The following ERAP1 variants were observed in gnomAD, a reference collection of about 807,000 sequenced individuals.
ERAP1 encodes the protein adipocyte-derived leucine aminopeptidase.
A neutral mutation model predicts 103.7 loss-of-function variants in ERAP1; 86 were observed. The ratio of observed to expected loss-of-function variants is 0.83; its 90% confidence interval spans 0.70 to 0.99. The LOEUF is 0.99. Among genes scored for constraint, ERAP1 ranks in the 50% least tolerant of loss-of-function variants. ERAP1 has a pLI of 0.00. For synonymous variants in ERAP1, 398 were observed against 402.4 expected, an observed-to-expected ratio of 0.99 and a Z score of 0.13; for missense variants, 1,009 against 1,128.4, an observed-to-expected ratio of 0.89 and a Z score of 1.52.
At chr5:96,807,380 G>A (rs1319688179) in intron 1 of ERAP1, among the ~76,000 whole-genome samples, 2 of 152,184 alleles carry the variant, frequency 1.3e-5, no homozygotes, top group Non-Finnish European at 2.9e-5. Context: ...AGCAGCTATG[G>A]GCAGGTGCCC....
chr5:96,792,301 G>A (rs1158186272), intron 7 of ERAP1, 109 bp from the exon 8 acceptor site: 2 of 983,248 alleles, frequency 2.0e-6, no homozygotes, highest in South Asian at 1.3e-5. Context: ...CACATTTTGG[G>A]GGCAACCTAT....
the ERAP1 span, among the ~76,000 whole-genome samples, chr5:96,875,512 G>A: frequency 6.6e-6 from 1 of 150,710 alleles, no homozygotes; most frequent in Admixed American, 6.6e-5. Context: ...CTCCAACCTG[G>A]GTGACAGAGT....
At position 96,775,050 on chromosome 5, in the gene ERAP1, C is replaced by CAAGT. The variant is rs1322803720; in HGVS notation, c.*1342_*1345dup. On this transcript the variant is annotated 3_prime_UTR_variant, in exon 19 of 19. Coordinates refer to ENST00000443439, the MANE Select transcript of ERAP1 (RefSeq NM_001040458.3). ...GCGCAAAACACGCTGCAACTTGAAT[C>CAAGT]AAGTCAGCAACAGAGCACACTATGG... 1.2e-5 allele frequency: 12 copies of CAAGT among 985,396 alleles called. No homozygotes were observed. Among genetic ancestry groups the CAAGT allele is most frequent in the African/African-American group, 1.7e-5 (1 of 57,220 alleles). 61.0% of individuals were successfully genotyped at this position (985,396 alleles called of 1,614,324 possible).
At chr5:96,828,043 T>C in the ERAP1 span, among the ~76,000 whole-genome samples, 1 of 152,256 alleles carries the variant, frequency 6.6e-6, no homozygotes, top group Non-Finnish European at 1.5e-5. Context: ...TAGAAGTGGA[T>C]ACATTCATCT....
In ERAP1 at chr5:96,776,303, A is replaced by G; in HGVS notation, c.*93T>C. On this transcript the variant is annotated 3_prime_UTR_variant, in exon 19 of 19. Coordinates refer to ENST00000443439, the MANE Select transcript of ERAP1 (RefSeq NM_001040458.3). ...GAGTTGAAGGGAAAAAAGTATCTCC[A>G]GTTGGAGCCAAAACAGCCATCTCTA... The G allele has an allele frequency of 3.2e-6, 5 of 1,547,418 alleles. No homozygotes were observed. The highest frequency in any genetic ancestry group is 4.3e-6 in the Non-Finnish European group (5 of 1,150,530).
the ERAP1 span, chr5:96,892,158 G>A: frequency 1.3e-6 from 1 of 768,234 alleles, no homozygotes; most frequent in South Asian, 1.9e-5. Context: ...AAGACACCCT[G>A]TCAATGTTAA....
At position 96,780,446 on chromosome 5, in the gene ERAP1, A is replaced by T. The variant is rs750157352; in HGVS notation, c.2647T>A (p.Ser883Thr). Residue 883 changes from serine to threonine, a missense_variant, in exon 18 of 19, where the codon TCC (serine) becomes ACC (threonine). By Grantham distance (58) the Ser-to-Thr change is moderately conservative. Transcript: ENST00000443439. ...ACCTCTTCAAGCCGTGTTCTTGTGG[A>T]GAATTGATTTGTTGTACCCATTACC... ...HMVMGTTNQF[S>T]TRTRLEEVKG... 7.4e-6 allele frequency: 12 copies of T among 1,611,322 alleles called. No individual in the cohort carries two copies. Among genetic ancestry groups the T allele is most frequent in the Non-Finnish European group, 1.0e-5 (12 of 1,178,792 alleles).
the ERAP1 span, among the ~76,000 whole-genome samples, chr5:96,829,261 T>G: frequency 6.6e-6 from 1 of 152,198 alleles, no homozygotes; most frequent in Non-Finnish European, 1.5e-5. Context: ...TTCATACTTG[T>G]TTTTTCATAT....
the ERAP1 span, among the ~76,000 whole-genome samples, chr5:96,905,917 T>A: frequency 6.6e-6 from 1 of 150,864 alleles, no homozygotes; most frequent in African/African-American, 2.4e-5. Flanking sequence ...ACATTTAGTT[T>A]GGAGAGATAA....
chr5:96,881,332 T>C, the ERAP1 span: 1 of 441,660 alleles, frequency 2.3e-6, no homozygotes, highest in South Asian at 1.6e-5. Context: ...GCTTATGGAG[T>C]GAAACAATTG....
At chr5:96,789,512 T>G (rs2150948199) in intron 10 of ERAP1, among the ~76,000 whole-genome samples, 1 of 151,048 alleles carries the variant, frequency 6.6e-6, no homozygotes, top group South Asian at 2.1e-4. Context: ...AGTAAAAAGA[T>G]AAAATGTGCC....
intron 18 of ERAP1, chr5:96,776,784 C>T: frequency 1.8e-6 from 1 of 544,402 alleles, no homozygotes; most frequent in Admixed American, 3.4e-5. Flanking sequence ...AGTTGCCAGA[C>T]TTTAAAAGAC....
At chr5:96,783,262 G>T in intron 14 of ERAP1, 27 bp from the exon 15 acceptor site, 1 of 1,592,248 alleles carries the variant, frequency 6.3e-7, no homozygotes, top group South Asian at 1.1e-5. Context: ...GGGAAACAGG[G>T]ACCAGTATTG....
the ERAP1 span, chr5:96,879,935 C>T: frequency 6.2e-7 from 1 of 1,614,152 alleles, no homozygotes; most frequent in Non-Finnish European, 8.5e-7. Flanking sequence ...CTTTGTCCAC[C>T]CCAATCTCAC....
the ERAP1 span, among the ~76,000 whole-genome samples, chr5:96,928,356 G>A: frequency 6.6e-6 from 1 of 152,154 alleles, no homozygotes; most frequent in Non-Finnish European, 1.5e-5. Context: ...TTTGAAATAG[G>A]GTTGTTGCAG....
Position 96,776,528 on chromosome 5 carries a change from C to CA in ERAP1, c.2693dup (p.Leu898PhefsTer16). The CA allele has an allele frequency of 6.2e-7, 1 of 1,613,920 alleles. No individual in the cohort carries two copies. On this transcript the variant is annotated frameshift_variant, in exon 19 of 19. Transcript: ENST00000443439. LOFTEE classifies it high-confidence loss of function. ...AACGGAGCTGAGAACCATTTTCTTT[C>CA]AAAGAGCTGAAGAATCCTTTTACCT...
At chr5:96,907,653 G>A in the ERAP1 span, among the ~76,000 whole-genome samples, 1,366 of 151,884 alleles carry the variant, frequency 9.0e-3, 28 homozygotes, top group East Asian at 0.065. Flanking sequence ...AGGCCGAGGC[G>A]GGTGGATCAC....
rs56325109 is a variant in ERAP1, at chr5:96,776,591, C to T, written c.2671-40G>A. On this transcript the variant is annotated intron_variant, in intron 18 of 18. Transcript: ENST00000443439. ...GTGGGTTTTAAAAAATTAATTTTAT[C>T]ACATTAATCAGATGTAACTTTAGTT... 0.11 allele frequency: 179,330 copies of T among 1,599,832 alleles called. 11,167 individuals are homozygous for T. The highest frequency in any genetic ancestry group is 0.13 in the Non-Finnish European group (147,522 of 1,173,048).
intron 3 of ERAP1, among the ~76,000 whole-genome samples, chr5:96,798,597 G>A (rs1257880401): frequency 7.3e-6 from 1 of 137,576 alleles, no homozygotes; most frequent in Non-Finnish European, 1.6e-5. Flanking sequence ...TTTTTGTTTT[G>A]AGAGATAGGG....
Sources: gnomAD v4.1 joint callset for allele counts (sites outside exome capture counted in the v4.1 genomes callset) on GRCh38, gnomAD v4.1.1 for gene constraint, MANE v1.5 for transcripts, NCBI Gene and HGNC (gene_info 2026-07-23, HGNC 2026-07-21) for gene names.